The following BLTP3A variants were observed in gnomAD, a reference collection of about 807,000 sequenced individuals.
BLTP3A encodes ICBP90 binding protein 1.
chr6:34,871,165 G>T, the BLTP3A span: 1 of 1,566,802 alleles, frequency 6.4e-7, no homozygotes, highest in South Asian at 1.2e-5. Flanking sequence ...ATTGGTTTTT[G>T]CCCTGGACTT....
the BLTP3A span, chr6:34,867,601 C>G: frequency 3.1e-6 from 5 of 1,612,962 alleles, no homozygotes; most frequent in Non-Finnish European, 4.2e-6. Context: ...GCAGTTCCTG[C>G]ATGGACAGTG....
chr6:34,848,685 A>G, the BLTP3A span, among the ~76,000 whole-genome samples: 1 of 148,662 alleles, frequency 6.7e-6, no homozygotes, highest in Non-Finnish European at 1.5e-5. Flanking sequence ...CCATCCCTTT[A>G]TTTTTCAGTC....
At chr6:34,838,642 A>G in the BLTP3A span, among the ~76,000 whole-genome samples, 1 of 152,158 alleles carries the variant, frequency 6.6e-6, no homozygotes, top group Non-Finnish European at 1.5e-5. Flanking sequence ...AGTTATCCCA[A>G]GTGTTAGTAA....
the BLTP3A span, among the ~76,000 whole-genome samples, chr6:34,829,294 C>T: frequency 6.6e-6 from 1 of 152,164 alleles, no homozygotes; most frequent in Non-Finnish European, 1.5e-5. Flanking sequence ...AACCACTCAT[C>T]TACTGTCTAT....
At chr6:34,820,132 T>C in the BLTP3A span, among the ~76,000 whole-genome samples, 2 of 152,146 alleles carry the variant, frequency 1.3e-5, no homozygotes, top group South Asian at 2.1e-4. Context: ...CTTAACTTCA[T>C]GTAGCTCCCT....
At chr6:34,856,447 C>T in the BLTP3A span, 16 of 1,590,712 alleles carry the variant, frequency 1.0e-5, no homozygotes, top group Non-Finnish European at 1.4e-5. Context: ...AGTTGCTTAG[C>T]CTCTTGCCAT....
the BLTP3A span, chr6:34,836,339 C>T: frequency 7.4e-6 from 12 of 1,613,700 alleles, no homozygotes; most frequent in East Asian, 2.2e-5. Context: ...TAGCCAGTCC[C>T]GAGAGCCAGG....
the BLTP3A span, chr6:34,871,567 TTC>T: frequency 2.2e-5 from 36 of 1,609,878 alleles, no homozygotes; most frequent in Admixed American, 5.7e-4. Context: ...ATCATGTGGT[TTC>T]TCTCTTTCCT....
At chr6:34,830,403 A>G in the BLTP3A span, among the ~76,000 whole-genome samples, 1 of 152,072 alleles carries the variant, frequency 6.6e-6, no homozygotes, top group Non-Finnish European at 1.5e-5. Flanking sequence ...CCTGGCCAAC[A>G]TGGTGAAACC....
At chr6:34,807,245 T>C in the BLTP3A span, among the ~76,000 whole-genome samples, 1 of 152,182 alleles carries the variant, frequency 6.6e-6, no homozygotes, top group Non-Finnish European at 1.5e-5. Flanking sequence ...TCATGAGGTA[T>C]AGTATCTTCA....
the BLTP3A span, among the ~76,000 whole-genome samples, chr6:34,818,647 G>A: frequency 1.3e-5 from 2 of 152,026 alleles, no homozygotes; most frequent in African/African-American, 4.8e-5. Context: ...AGAAATAAGC[G>A]TTATCCATAC....
At chr6:34,793,414 A>G in the BLTP3A span, among the ~76,000 whole-genome samples, 5 of 152,304 alleles carry the variant, frequency 3.3e-5, no homozygotes, top group East Asian at 5.8e-4. Context: ...ATGTCGGTCA[A>G]CATGGGACAC....
At chr6:34,842,292 A>G in the BLTP3A span, among the ~76,000 whole-genome samples, 65 of 152,332 alleles carry the variant, frequency 4.3e-4, no homozygotes, top group African/African-American at 1.6e-3. Flanking sequence ...ATCTCACACC[A>G]TACAATTCAT....
the BLTP3A span, among the ~76,000 whole-genome samples, chr6:34,860,873 G>T: frequency 1.3e-5 from 2 of 152,184 alleles, no homozygotes; most frequent in Non-Finnish European, 2.9e-5. Flanking sequence ...TGTGTGAAAT[G>T]AGCCCTTTTA....
chr6:34,851,470 C>G, the BLTP3A span, among the ~76,000 whole-genome samples: 9,791 of 152,228 alleles, frequency 0.064, 541 homozygotes, highest in East Asian at 0.33. Flanking sequence ...TTCTCTTACT[C>G]TCCCCCATAT....
At chr6:34,857,975 T>G in the BLTP3A span, 13 of 1,587,962 alleles carry the variant, frequency 8.2e-6, no homozygotes, top group Non-Finnish European at 1.1e-5. Flanking sequence ...ATTTTTCCAA[T>G]GGATATAATC....
the BLTP3A span, among the ~76,000 whole-genome samples, chr6:34,839,812 T>G: frequency 5.9e-5 from 9 of 152,224 alleles, no homozygotes; most frequent in African/African-American, 2.2e-4. Context: ...ACTCTTTCCC[T>G]CTGGGCACAA....
At chr6:34,840,838 G>A in the BLTP3A span, among the ~76,000 whole-genome samples, 1 of 151,812 alleles carries the variant, frequency 6.6e-6, no homozygotes, top group Non-Finnish European at 1.5e-5. Flanking sequence ...GGATGCTCTC[G>A]ATTCCCTGAC....
chr6:34,844,424 G>C, the BLTP3A span, among the ~76,000 whole-genome samples: 1 of 152,236 alleles, frequency 6.6e-6, no homozygotes, highest in African/African-American at 2.4e-5. Context: ...ACAGGCACTC[G>C]TGACCATGAC....
Sources: allele counts gnomAD v4.1 joint callset (sites outside exome capture counted in the v4.1 genomes callset), GRCh38; gene constraint gnomAD v4.1.1; transcripts MANE v1.5; gene names NCBI Gene and HGNC (gene_info 2026-07-23, HGNC 2026-07-21).